The following NDUFA13 variants were observed in gnomAD, a reference collection of about 807,000 sequenced individuals.
The protein encoded by NDUFA13 is NADH dehydrogenase [ubiquinone] 1 alpha subcomplex subunit 13.
Under a neutral mutation model 17.0 loss-of-function variants are expected in NDUFA13, and 16 were observed. The observed-to-expected ratio is 0.94, with a 90% CI of 0.64 to 1.43. The LOEUF (loss-of-function observed/expected upper bound fraction) is 1.43. Among genes scored for constraint, NDUFA13 ranks in the 40% most tolerant of loss-of-function variants. The pLI is 0.00. For synonymous variants in NDUFA13, 87 were observed against 78.4 expected (o/e 1.11, Z -0.58); for missense variants, 228 against 206.7 (o/e 1.10, Z -0.63).
At chr19:19,516,521 T>C (rs560680931) in intron 1 of NDUFA13, among the ~76,000 whole-genome samples, 189 bp downstream of exon 1, 115 of 152,366 alleles carry the variant, frequency 7.5e-4, no homozygotes, top group African/African-American at 2.4e-3. Flanking sequence ...CTCCTCTTCC[T>C]TCTCGTAACA....
At chr19:19,525,735 A>G (rs2144644326) in intron 1 of NDUFA13, among the ~76,000 whole-genome samples, 1 of 152,000 alleles carries the variant, frequency 6.6e-6, no homozygotes, top group African/African-American at 2.4e-5. Flanking sequence ...TGCAGAGCCA[A>G]GAGGTAGCAC....
intron 1 of NDUFA13, among the ~76,000 whole-genome samples, chr19:19,523,799 G>T (rs1015893998): frequency 2.0e-5 from 3 of 152,144 alleles, no homozygotes; most frequent in Non-Finnish European, 4.4e-5. Context: ...GCACAGTGGC[G>T]TGCACCTGTA....
chr19:19,527,521 C>A, intron 3 of NDUFA13, 169 bp downstream of exon 3: 1 of 981,744 alleles, frequency 1.0e-6, no homozygotes, highest in Non-Finnish European at 1.6e-6. Flanking sequence ...GGGGGCGAAC[C>A]GGAAGGCTTC....
chr19:19,517,238 AC>A (rs2061053881), intron 1 of NDUFA13, among the ~76,000 whole-genome samples: 1 of 147,294 alleles, frequency 6.8e-6, no homozygotes, highest in African/African-American at 2.6e-5. Flanking sequence ...GTGAATACAT[AC>A]ATTTCTTTTT....
chr19:19,526,375 CT>C lies in NDUFA13; in HGVS notation c.173+116del, dbSNP rs1366082256. 6 of 1,137,808 alleles carry C rather than the reference CT, an allele frequency of 5.3e-6. No individual in the cohort carries two copies. In the African/African-American group the frequency reaches 9.2e-5, roughly 17 times the overall value. 70.5% of individuals were successfully genotyped at this position (1,137,808 alleles called of 1,614,324 possible). Reference sequence around the variant, plus strand: ...GGGTGAACGGGCCCCTTGGACTTGGCTGTGCAATCCCAGGCCCCAGAAAGTG... The same window carrying C: ...GGGTGAACGGGCCCCTTGGACTTGGCGTGCAATCCCAGGCCCCAGAAAGTG... On this transcript the variant is annotated intron_variant, in intron 2 of 4. Coordinates refer to ENST00000507754, the MANE Select transcript of NDUFA13 (RefSeq NM_015965.7).
At chr19:19,526,495 A>G (rs1407777353) in intron 2 of NDUFA13, 7 of 578,884 alleles carry the variant, frequency 1.2e-5, no homozygotes, top group Admixed American at 2.5e-5. Context: ...AGGTGGGAGC[A>G]TTGCTTGAGC....
In NDUFA13 at chr19:19,526,171, T is replaced by C; in HGVS notation, c.95-11T>C. 6.2e-7 allele frequency: 1 copy of C among 1,613,510 alleles called. No homozygotes were observed. The highest frequency in any genetic ancestry group is 1.3e-5 in the African/African-American group (1 of 75,032). Reference sequence around the variant, plus strand: ...GCGGGCTGGCCCGCTGAGCAGCGCCTCTCTTCACAGGCTACAGCATGCTGG... The same window carrying C: ...GCGGGCTGGCCCGCTGAGCAGCGCCCCTCTTCACAGGCTACAGCATGCTGG... On this transcript the variant is annotated splice_polypyrimidine_tract_variant and intron_variant, in intron 1 of 4. Coordinates refer to ENST00000507754, the MANE Select transcript of NDUFA13 (RefSeq NM_015965.7).
At chr19:19,517,263 G>T (rs1217386485) in intron 1 of NDUFA13, among the ~76,000 whole-genome samples, 1 of 149,084 alleles carries the variant, frequency 6.7e-6, no homozygotes, top group African/African-American at 2.5e-5. Context: ...TTTTTAAGAC[G>T]GTATGGTTCT....
Position 19,526,762 on chromosome 19 carries a change from A to G in NDUFA13, c.173+502A>G, listed in dbSNP as rs373960375. On this transcript the variant is annotated intron_variant, in intron 2 of 4. Coordinates refer to ENST00000507754, the MANE Select transcript of NDUFA13 (RefSeq NM_015965.7). ...CCTCTCCCTGTGTCACAGGCTGGGC[A>G]CTCCTTCCCCACCCCTCCCCCAACC... 193 of 279,748 alleles carry G rather than the reference A, an allele frequency of 6.9e-4. 1 individual carries two copies. Among genetic ancestry groups the G allele is most frequent in the Middle Eastern group, 2.7e-3 (2 of 740 alleles). 17.3% of individuals were successfully genotyped at this position (279,748 alleles called of 1,614,324 possible). A position where few individuals can be genotyped will look rare whatever the true frequency, so the allele number is the denominator to read the frequency against.
At chr19:19,526,722 A>C (rs559866946) in intron 2 of NDUFA13, 23 of 296,386 alleles carry the variant, frequency 7.8e-5, no homozygotes, top group Non-Finnish European at 1.3e-4. Context: ...CAGATGAACT[A>C]GGGCCAGGCG....
intron 1 of NDUFA13, among the ~76,000 whole-genome samples, chr19:19,523,466 G>A (rs115861149): frequency 1.3e-5 from 2 of 151,468 alleles, no homozygotes; most frequent in Non-Finnish European, 2.9e-5. Flanking sequence ...TTTGTTTTTG[G>A]TTTTGTTTTC....
intron 1 of NDUFA13, among the ~76,000 whole-genome samples, chr19:19,518,454 C>T (rs956322249): frequency 4.6e-5 from 7 of 151,984 alleles, no homozygotes; most frequent in African/African-American, 1.7e-4. Flanking sequence ...AGACTGGTCT[C>T]GAACTCCTGA....
rs918318427 is a variant in NDUFA13 at position 19,528,141 on chromosome 19, G to A, written c.*15G>A. On this transcript the variant is annotated 3_prime_UTR_variant, in exon 5 of 5. Coordinates refer to ENST00000507754, the MANE Select transcript of NDUFA13 (RefSeq NM_015965.7). ...GGTACACGTAGGCCCTGTGCCCTCC[G>A]GCCACCTGGATCCCTGCCCCTCCCC... The A allele has an allele frequency of 3.7e-6, 6 of 1,610,904 alleles. No homozygotes were observed. Among genetic ancestry groups the A allele is most frequent in the Middle Eastern group, 2.2e-4 (1 of 4,488 alleles).
intron 1 of NDUFA13, among the ~76,000 whole-genome samples, chr19:19,516,726 A>G (rs2061050856): frequency 6.6e-6 from 1 of 152,208 alleles, no homozygotes; most frequent in Non-Finnish European, 1.5e-5. Flanking sequence ...TGTTCTATGC[A>G]GTGGTTCCCT....
chr19:19,520,354 G>A (rs1434786402), intron 1 of NDUFA13, among the ~76,000 whole-genome samples: 1 of 152,166 alleles, frequency 6.6e-6, no homozygotes, highest in Non-Finnish European at 1.5e-5. Flanking sequence ...TTTAATGGCT[G>A]TGAGCGGTGG....
At chr19:19,516,574 G>A (rs1600341652) in intron 1 of NDUFA13, among the ~76,000 whole-genome samples, 1 of 152,362 alleles carries the variant, frequency 6.6e-6, no homozygotes, top group East Asian at 1.9e-4. Flanking sequence ...TTTTACAGTG[G>A]GTTAAACTGA....
At chr19:19,516,378 G>A (rs759838752) in intron 1 of NDUFA13, 46 bp downstream of exon 1, 1 of 1,603,282 alleles carries the variant, frequency 6.2e-7, no homozygotes, top group African/African-American at 1.3e-5. Context: ...GGCACTCGGG[G>A]CTCGGGGGCG....
chr19:19,517,308 C>T (rs1290839111), intron 1 of NDUFA13, among the ~76,000 whole-genome samples: 5 of 151,698 alleles, frequency 3.3e-5, no homozygotes, highest in Admixed American at 2.6e-4. Context: ...TGGCAACCTC[C>T]GCCTCCTGGG....
At chr19:19,524,851 C>T (rs2061093483) in intron 1 of NDUFA13, among the ~76,000 whole-genome samples, 1 of 151,878 alleles carries the variant, frequency 6.6e-6, no homozygotes, top group South Asian at 2.1e-4. Flanking sequence ...ATATGACCAG[C>T]CTGGGCAATA....
Sources: gnomAD v4.1 joint callset for allele counts (sites outside exome capture counted in the v4.1 genomes callset) on GRCh38, gnomAD v4.1.1 for gene constraint, MANE v1.5 for transcripts, NCBI Gene and HGNC (gene_info 2026-07-23, HGNC 2026-07-21) for gene names.